Variants in FANCC observed in about 807,000 individuals in gnomAD.
The protein encoded by FANCC is FA complementation group C, also known as Fanconi anemia group C protein.
Under a neutral mutation model 71.3 loss-of-function variants are expected in FANCC, and 55 were observed. The ratio of observed to expected loss-of-function variants is 0.77; its 90% CI spans 0.62 to 0.97. The LOEUF (loss-of-function observed/expected upper bound fraction) is 0.97, where lower values mean the gene tolerates loss of function less well. Among genes scored for constraint, FANCC ranks in the 50% least tolerant of loss-of-function variants. The pLI, the probability that FANCC is intolerant of heterozygous loss-of-function variation, is 0.00. For missense variants in FANCC, 678 were observed against 670.9 expected, an observed-to-expected ratio of 1.01 and a Z score of -0.12; for synonymous variants, 275 against 244.9, an observed-to-expected ratio of 1.12 and a Z score of -1.15.
intron 8 of FANCC, among the ~76,000 whole-genome samples, chr9:95,130,534 G>T (rs111897316): frequency 9.8e-5 from 15 of 152,344 alleles, no homozygotes; most frequent in African/African-American, 3.6e-4. Flanking sequence ...CAGAGAAGCT[G>T]AAGTTCATTA....
At chr9:95,171,227 T>C in intron 5 of FANCC, 84 bp from the exon 6 acceptor site, 1 of 1,010,450 alleles carries the variant, frequency 9.9e-7, no homozygotes, top group East Asian at 2.5e-5. Flanking sequence ...GAGTGATATT[T>C]CCGTTGAGAT....
chr9:95,175,905 G>C (rs889887150), intron 4 of FANCC, among the ~76,000 whole-genome samples: 2 of 152,234 alleles, frequency 1.3e-5, no homozygotes, highest in African/African-American at 4.8e-5. Context: ...ACTTGGTTTG[G>C]AAAGTAGGTG....
At chr9:95,303,787 A>G (rs1205589340) in intron 1 of FANCC, among the ~76,000 whole-genome samples, 4 of 152,222 alleles carry the variant, frequency 2.6e-5, no homozygotes, top group Non-Finnish European at 5.9e-5. Context: ...TTACAGCTTC[A>G]GCTTCAACTT....
chr9:95,304,893 G>T (rs1212153304), intron 1 of FANCC, among the ~76,000 whole-genome samples: 1 of 151,942 alleles, frequency 6.6e-6, no homozygotes, highest in Non-Finnish European at 1.5e-5. Flanking sequence ...TCAACTATGT[G>T]CTTCCACAGT....
At chr9:95,206,660 G>C (rs1392846454) in intron 4 of FANCC, among the ~76,000 whole-genome samples, 1 of 152,064 alleles carries the variant, frequency 6.6e-6, no homozygotes, top group Non-Finnish European at 1.5e-5. Flanking sequence ...TACAGCCCAA[G>C]TTAAACCCCT....
rs2134377952 is a variant in FANCC, at chr9:95,101,091, A to AT, written c.*615dup. ...GGGCCTTTTGGTAGCAGTTAGCATC[A>AT]TTTAGCAAATACAGAGTGGAAAGAG... is the stretch of plus-strand genomic sequence containing the variant. On this transcript the variant is annotated 3_prime_UTR_variant, in exon 15 of 15. Coordinates refer to ENST00000289081, the MANE Select transcript of FANCC (RefSeq NM_000136.3). 4.2e-6 allele frequency: 1 copy of AT among 236,512 alleles called. No individual in the cohort carries two copies. Among genetic ancestry groups the AT allele is most frequent in the South Asian group, 1.7e-4 (1 of 5,792 alleles). 14.7% of individuals were successfully genotyped at this position (236,512 alleles called of 1,614,324 possible). A position where few individuals can be genotyped will look rare whatever the true frequency, so the allele number is the denominator to read the frequency against.
intron 1 of FANCC, among the ~76,000 whole-genome samples, chr9:95,314,408 C>T (rs1835608052): frequency 1.3e-5 from 2 of 152,194 alleles, no homozygotes; most frequent in African/African-American, 4.8e-5. Context: ...AATCCCAGCA[C>T]TTTGGGAGGC....
At chr9:95,231,289 T>C (rs1269705483) in intron 4 of FANCC, among the ~76,000 whole-genome samples, 3 of 152,234 alleles carry the variant, frequency 2.0e-5, no homozygotes, top group African/African-American at 7.2e-5. Context: ...ACTTTTTCAA[T>C]GGTGGTTGCA....
intron 3 of FANCC, among the ~76,000 whole-genome samples, chr9:95,244,699 A>AC (rs1830845739): frequency 6.7e-6 from 1 of 149,162 alleles, no homozygotes; most frequent in Non-Finnish European, 1.5e-5. Flanking sequence ...AAAAAAAAAA[A>AC]AAAAAAAAAA....
At chr9:95,168,489 T>A (rs1288548953) in intron 6 of FANCC, among the ~76,000 whole-genome samples, 5 of 152,226 alleles carry the variant, frequency 3.3e-5, no homozygotes, top group Non-Finnish European at 7.3e-5. Context: ...GGTCCAAAAA[T>A]ATTAAATGAA....
chr9:95,244,511 C>T (rs753710435), intron 3 of FANCC, among the ~76,000 whole-genome samples: 3 of 151,804 alleles, frequency 2.0e-5, no homozygotes, highest in Non-Finnish European at 4.4e-5. Flanking sequence ...AACCCCATCT[C>T]TAGTAAGAAT....
At chr9:95,307,224 G>T (rs1835120488) in intron 1 of FANCC, among the ~76,000 whole-genome samples, 1 of 151,990 alleles carries the variant, frequency 6.6e-6, no homozygotes, top group African/African-American at 2.4e-5. Flanking sequence ...TATGGTTATT[G>T]TGAGAATCCC....
chr9:95,228,895 A>C (rs1031066998), intron 4 of FANCC, among the ~76,000 whole-genome samples: 2 of 152,112 alleles, frequency 1.3e-5, no homozygotes, highest in Non-Finnish European at 2.9e-5. Context: ...AAAATCAGTA[A>C]CACCCCACAG....
chr9:95,139,853 A>T (rs1027027897), intron 7 of FANCC, among the ~76,000 whole-genome samples: 28 of 144,414 alleles, frequency 1.9e-4, no homozygotes, highest in East Asian at 6.1e-4. Context: ...TATATATATA[A>T]ATATATATAT....
intron 4 of FANCC, among the ~76,000 whole-genome samples, chr9:95,239,563 T>C (rs1407834894): frequency 1.3e-5 from 2 of 152,214 alleles, no homozygotes; most frequent in Non-Finnish European, 2.9e-5. Context: ...TTAAAAAAAT[T>C]AAGGACTAAA....
chr9:95,209,807 T>C (rs1828378931), intron 4 of FANCC, among the ~76,000 whole-genome samples: 1 of 152,168 alleles, frequency 6.6e-6, no homozygotes, highest in Non-Finnish European at 1.5e-5. Context: ...TCATAACCCC[T>C]TGCCTGGCCT....
chr9:95,111,544 G>A lies in FANCC; in HGVS notation c.1248C>T (p.Ala416=), dbSNP rs747051975. 9.3e-6 allele frequency: 15 copies of A among 1,614,008 alleles called. No homozygotes were observed. The highest frequency in any genetic ancestry group is 1.6e-4 in the Middle Eastern group (1 of 6,084). The change falls in exon 13 of 15, where the codon GCC becomes GCT. Residue 416 remains alanine (A), a synonymous_variant. Coordinates refer to ENST00000289081, the MANE Select transcript of FANCC (RefSeq NM_000136.3). The part of the protein sequence containing the change: ...MVAEQLLMSA[A]EPPTALLWLL... ...GCCACAGCAGGGCCGTGGGGGGTTC[G>A]GCTGCCGACATCAGTAATTGCTCTG...
intron 7 of FANCC, among the ~76,000 whole-genome samples, chr9:95,140,245 A>C (rs950145449): frequency 2.6e-5 from 4 of 152,086 alleles, no homozygotes; most frequent in African/African-American, 9.7e-5. Context: ...TTACAGTGAC[A>C]GCGTCTGCCA....
intron 7 of FANCC, among the ~76,000 whole-genome samples, chr9:95,147,289 G>C (rs1055102959): frequency 6.6e-6 from 1 of 152,104 alleles, no homozygotes; most frequent in African/African-American, 2.4e-5. Flanking sequence ...AGGCCGAGGT[G>C]GGTGGATCAC....
Sources: allele counts gnomAD v4.1 joint callset (sites outside exome capture counted in the v4.1 genomes callset), GRCh38; gene constraint gnomAD v4.1.1; transcripts MANE v1.5; gene names NCBI Gene and HGNC (gene_info 2026-07-23, HGNC 2026-07-21).